GRIK2: variants seen among roughly 807,000 people sequenced by gnomAD.
The protein encoded by GRIK2 is glutamate receptor ionotropic, kainate 2.
In GRIK2, 32 loss-of-function variants were observed where a neutral mutation model predicts 100.3. The ratio of observed to expected loss-of-function variants is 0.32; its 90% confidence interval spans 0.24 to 0.43. The LOEUF (loss-of-function observed/expected upper bound fraction) is 0.43, where lower values mean the gene tolerates loss of function less well. Ranked by LOEUF, GRIK2 falls within the 20% of genes least tolerant of loss-of-function variation. The pLI, the probability that GRIK2 is intolerant of heterozygous loss-of-function variation, is 1.00. For missense variants in GRIK2, 843 were observed against 1,114.9 expected, an observed-to-expected ratio of 0.76 and a Z score of 3.47; for synonymous variants, 417 against 389.4, an observed-to-expected ratio of 1.07 and a Z score of -0.83.
At chr6:101,884,222 TTAAC>T (rs1231203949) in intron 11 of GRIK2, among the ~76,000 whole-genome samples, 2 of 152,162 alleles carry the variant, frequency 1.3e-5, no homozygotes, top group Admixed American at 6.6e-5. Flanking sequence ...ATATGGATAA[TTAAC>T]TAGCTTAAGT....
chr6:101,424,669 A>G (rs1165980339), intron 2 of GRIK2, among the ~76,000 whole-genome samples: 1 of 151,446 alleles, frequency 6.6e-6, no homozygotes, highest in Non-Finnish European at 1.5e-5. Context: ...TGCACCCATT[A>G]ACTCGTCATT....
intron 7 of GRIK2, among the ~76,000 whole-genome samples, chr6:101,718,777 G>T (rs1774247026): frequency 6.6e-6 from 1 of 151,884 alleles, no homozygotes; most frequent in Non-Finnish European, 1.5e-5. Context: ...GTCCTGTTGT[G>T]TTCTTAGAGG....
At chr6:101,998,369 C>T (rs538159174) in intron 14 of GRIK2, among the ~76,000 whole-genome samples, 26 of 152,070 alleles carry the variant, frequency 1.7e-4, no homozygotes, top group Non-Finnish European at 3.4e-4. Flanking sequence ...TTTCATTTTG[C>T]TTAAATATTT....
At chr6:101,549,869 G>A (rs1032549844) in intron 2 of GRIK2, among the ~76,000 whole-genome samples, 1 of 152,032 alleles carries the variant, frequency 6.6e-6, no homozygotes, top group Admixed American at 6.6e-5. Context: ...TCCCCATTTT[G>A]CCAATGAAGA....
At chr6:101,550,078 A>C (rs1257344571) in intron 2 of GRIK2, among the ~76,000 whole-genome samples, 2 of 152,192 alleles carry the variant, frequency 1.3e-5, no homozygotes, top group African/African-American at 4.8e-5. Context: ...CTGAGCCAAA[A>C]GCTCTATTGC....
intron 2 of GRIK2, among the ~76,000 whole-genome samples, chr6:101,404,606 A>G (rs949490183): frequency 6.6e-6 from 1 of 152,236 alleles, no homozygotes; most frequent in Non-Finnish European, 1.5e-5. Flanking sequence ...AATGTAACAT[A>G]CTTAAATTAT....
At chr6:101,787,255 C>A (rs1779488816) in intron 7 of GRIK2, among the ~76,000 whole-genome samples, 3 of 150,982 alleles carry the variant, frequency 2.0e-5, no homozygotes, top group Admixed American at 2.0e-4. Flanking sequence ...TTTTTAAAGA[C>A]TTTTCATTTC....
At chr6:101,707,785 C>CA (rs1022876384) in intron 7 of GRIK2, among the ~76,000 whole-genome samples, 1 of 150,936 alleles carries the variant, frequency 6.6e-6, no homozygotes, top group Admixed American at 6.6e-5. Flanking sequence ...TGATTCTCAC[C>CA]AAAAAAATCA....
At chr6:101,646,549 T>G in intron 4 of GRIK2, among the ~76,000 whole-genome samples, 1 of 151,516 alleles carries the variant, frequency 6.6e-6, no homozygotes, top group Admixed American at 6.6e-5. Flanking sequence ...TATTTTAGTT[T>G]ACTTTAATTA....
At chr6:101,657,884 GA>G (rs1769309610) in intron 4 of GRIK2, among the ~76,000 whole-genome samples, 1 of 151,972 alleles carries the variant, frequency 6.6e-6, no homozygotes, top group Non-Finnish European at 1.5e-5. Flanking sequence ...AATCTAGGAT[GA>G]GGGGGAGTAT....
rs951904319 is a variant in GRIK2, at chr6:101,490,932, C to T, written c.115+91540C>T. 4.3e-5 allele frequency among the ~76,000 whole-genome samples: 6 copies of T among 138,192 alleles called. 2 individuals are homozygous for T. The highest frequency in any genetic ancestry group is 1.9e-4 in the East Asian group (1 of 5,138). The allele number at this position is 138,192 out of a possible 152,430, so 90.7% of individuals were successfully genotyped here. ...ATGGAGGGAATAACAGACATGCATG[C>T]GTGCACATACACACACACCTTTTCC... On this transcript the variant is annotated intron_variant, in intron 2 of 16. Transcript: ENST00000369134.
At chr6:101,612,472 T>C (rs1779723421) in intron 2 of GRIK2, among the ~76,000 whole-genome samples, 1 of 151,860 alleles carries the variant, frequency 6.6e-6, no homozygotes, top group Non-Finnish European at 1.5e-5. Flanking sequence ...TGTTGACTGT[T>C]AGGAACTTTC....
chr6:101,782,950 G>C (rs780086316), intron 7 of GRIK2, among the ~76,000 whole-genome samples: 1 of 149,072 alleles, frequency 6.7e-6, no homozygotes, highest in Non-Finnish European at 1.5e-5. Context: ...TCCGCCTCCC[G>C]GGTTCACACC....
chr6:101,409,194 C>A (rs937055646), intron 2 of GRIK2, among the ~76,000 whole-genome samples: 5 of 147,778 alleles, frequency 3.4e-5, no homozygotes, highest in Non-Finnish European at 6.0e-5. Flanking sequence ...TGTATATATT[C>A]TGTGTAGAAA....
At chr6:102,030,504 C>A (rs377458932) in intron 14 of GRIK2, among the ~76,000 whole-genome samples, 1 of 151,116 alleles carries the variant, frequency 6.6e-6, no homozygotes, top group African/African-American at 2.4e-5. Flanking sequence ...GAGCTTCACT[C>A]CCCTCAATTA....
chr6:101,537,244 A>C (rs1775746218), intron 2 of GRIK2, among the ~76,000 whole-genome samples: 1 of 151,850 alleles, frequency 6.6e-6, no homozygotes, highest in Non-Finnish European at 1.5e-5. Flanking sequence ...AACACTGAAA[A>C]GGAAATTGTA....
chr6:101,686,089 T>TA (rs1021024993), intron 6 of GRIK2, 91 bp from the exon 7 acceptor site: 224 of 1,029,144 alleles, frequency 2.2e-4, no homozygotes, highest in Middle Eastern at 5.9e-4. Context: ...TTAAGTGACC[T>TA]AAAAAAAACA....
intron 11 of GRIK2, among the ~76,000 whole-genome samples, chr6:101,860,546 A>G (rs1784676520): frequency 6.6e-6 from 1 of 152,164 alleles, no homozygotes; most frequent in African/African-American, 2.4e-5. Flanking sequence ...AAAGTGAAGC[A>G]CAGGACATGA....
intron 7 of GRIK2, among the ~76,000 whole-genome samples, chr6:101,788,048 T>C (rs1482178325): frequency 1.3e-5 from 2 of 151,798 alleles, no homozygotes; most frequent in Non-Finnish European, 2.9e-5. Context: ...TATAATGACC[T>C]GGTTTGTCTC....
Sources: gnomAD v4.1 joint callset for allele counts (sites outside exome capture counted in the v4.1 genomes callset) on GRCh38, gnomAD v4.1.1 for gene constraint, MANE v1.5 for transcripts, NCBI Gene and HGNC (gene_info 2026-07-23, HGNC 2026-07-21) for gene names.